Variants in UPP2 observed in about 807,000 individuals in gnomAD.
UPP2 encodes UPase 2.
UPP2 carries 23 observed loss-of-function variants against 26.7 expected under a neutral mutation model. The ratio of observed to expected loss-of-function variants is 0.86; its 90% confidence interval spans 0.62 to 1.22. UPP2 has a LOEUF of 1.22. Among genes scored for constraint, UPP2 ranks in the 50% most tolerant of loss-of-function variants. The pLI is 0.00. For synonymous variants in UPP2, 127 were observed against 141.3 expected (o/e 0.90, Z 0.72); for missense variants, 387 against 396.7 (o/e 0.98, Z 0.21).
At chr2:158,126,537 C>T (rs538608488) in intron 6 of UPP2, 1 of 152,300 alleles carries the variant, frequency 6.6e-6, no homozygotes, top group East Asian at 1.9e-4. Context: ...GATCAGCCAC[C>T]AAGTATAGAG....
At chr2:158,075,314 T>C (rs1408298015) in intron 3 of UPP2, among the ~76,000 whole-genome samples, 1 of 152,038 alleles carries the variant, frequency 6.6e-6, no homozygotes, top group East Asian at 1.9e-4. Flanking sequence ...TAAATGTAAA[T>C]GTTCTAAGAG....
chr2:158,121,767 A>G (rs1320146221), intron 5 of UPP2, 149 bp downstream of exon 5: 1 of 711,060 alleles, frequency 1.4e-6, no homozygotes, highest in Non-Finnish European at 2.3e-6. Flanking sequence ...TTACTTACTA[A>G]AGCATAGAAA....
intron 3 of UPP2, among the ~76,000 whole-genome samples, chr2:158,019,350 T>C (rs191688990): frequency 2.6e-5 from 4 of 152,108 alleles, no homozygotes; most frequent in African/African-American, 9.6e-5. Flanking sequence ...CCTGGAGAGA[T>C]ATACAGATCC....
intron 3 of UPP2, among the ~76,000 whole-genome samples, chr2:158,048,951 G>C (rs980600894): frequency 5.3e-5 from 8 of 152,164 alleles, no homozygotes; most frequent in Non-Finnish European, 7.3e-5. Flanking sequence ...GTGAGTCAAT[G>C]TGTCTTGACC....
In UPP2 at chr2:158,115,191, A is replaced by C; in HGVS notation, c.271A>C (p.Ile91Leu). 1 of 1,613,932 alleles carries C rather than the reference A, an allele frequency of 6.2e-7. No individual in the cohort carries two copies. The highest frequency in any genetic ancestry group is 1.1e-5 in the South Asian group (1 of 91,066). Residue 91 changes from isoleucine (I) to leucine (L), a missense_variant, in exon 3 of 7, where the codon ATA becomes CTA. Ile to Leu is a conservative substitution (Grantham distance 5). Coordinates refer to ENST00000005756, the MANE Select transcript of UPP2 (RefSeq NM_173355.4). ...ELGFEEAEED[I>L]KDICAGTDRY... ...CGGGTTTGAGGAAGCTGAAGAAGACATAAAAGACATCTGTGCTGGGACAGA... is the reference window on the plus strand; with the variant it reads ...CGGGTTTGAGGAAGCTGAAGAAGACCTAAAAGACATCTGTGCTGGGACAGA...
At chr2:158,116,676 A>G (rs1410724381) in intron 3 of UPP2, among the ~76,000 whole-genome samples, 1 of 152,246 alleles carries the variant, frequency 6.6e-6, no homozygotes, top group Non-Finnish European at 1.5e-5. Context: ...TTAACTTACT[A>G]AATGTCTGAA....
At chr2:158,068,250 T>A (rs1343714068) in intron 3 of UPP2, among the ~76,000 whole-genome samples, 2 of 152,218 alleles carry the variant, frequency 1.3e-5, no homozygotes, top group African/African-American at 4.8e-5. Flanking sequence ...CTTATAGTAC[T>A]AATTACAAAT....
intron 2 of UPP2, among the ~76,000 whole-genome samples, chr2:158,109,069 C>T (rs1029867655): frequency 2.0e-5 from 3 of 152,014 alleles, no homozygotes; most frequent in Non-Finnish European, 4.4e-5. Flanking sequence ...TTGCCTTCCT[C>T]CAGCCATGTT....
chr2:158,117,703 A>G, intron 3 of UPP2, 121 bp from the exon 4 acceptor site: 2 of 759,766 alleles, frequency 2.6e-6, no homozygotes, highest in Non-Finnish European at 4.4e-6. Flanking sequence ...CAGCATTGGC[A>G]AAGTCTTAAT....
intron 3 of UPP2, among the ~76,000 whole-genome samples, chr2:158,037,865 T>C (rs1684028313): frequency 6.6e-6 from 1 of 151,978 alleles, no homozygotes; most frequent in South Asian, 2.1e-4. Flanking sequence ...GAGATACAAT[T>C]CAATCCATAA....
chr2:157,999,503 T>C (rs1332751790), intron 2 of UPP2, among the ~76,000 whole-genome samples: 3 of 152,192 alleles, frequency 2.0e-5, no homozygotes, highest in Non-Finnish European at 4.4e-5. Context: ...TATGTCATCA[T>C]CTATGTCTTT....
intron 2 of UPP2, among the ~76,000 whole-genome samples, chr2:158,006,476 C>CAAAA (rs3038697): frequency 7.8e-5 from 6 of 77,392 alleles, no homozygotes; most frequent in African/African-American, 1.1e-4. Flanking sequence ...GACTCCGTCT[C>CAAAA]AAAAAAAAAA....
At chr2:158,107,031 C>A (rs1174344050) in intron 2 of UPP2, among the ~76,000 whole-genome samples, 1 of 152,086 alleles carries the variant, frequency 6.6e-6, no homozygotes, top group Non-Finnish European at 1.5e-5. Context: ...AAGTGGTGTA[C>A]CACACATTAC....
intron 3 of UPP2, among the ~76,000 whole-genome samples, chr2:158,083,692 C>G (rs1284307680): frequency 6.6e-6 from 1 of 151,406 alleles, no homozygotes; most frequent in Non-Finnish European, 1.5e-5. Flanking sequence ...TATCCCAGAA[C>G]TTAAAGTATA....
At chr2:158,000,721 GGGA>G (rs1419326199) in intron 2 of UPP2, among the ~76,000 whole-genome samples, 3 of 152,224 alleles carry the variant, frequency 2.0e-5, no homozygotes. Flanking sequence ...CATTGTGCAT[GGGA>G]GGAGGTGTGT....
chr2:158,052,966 T>C (rs1262313253), intron 3 of UPP2, among the ~76,000 whole-genome samples: 1 of 151,974 alleles, frequency 6.6e-6, no homozygotes, highest in East Asian at 1.9e-4. Context: ...CTGAGGGCTG[T>C]AGTATGCCAA....
At chr2:158,014,400 T>C (rs1187809838) in intron 2 of UPP2, among the ~76,000 whole-genome samples, 4 of 152,192 alleles carry the variant, frequency 2.6e-5, no homozygotes, top group Admixed American at 6.5e-5. Flanking sequence ...CCTGCTGCAG[T>C]ATTAAGCTGG....
intron 3 of UPP2, among the ~76,000 whole-genome samples, chr2:158,047,365 G>A (rs1684171134): frequency 1.3e-5 from 2 of 152,210 alleles, no homozygotes; most frequent in Admixed American, 1.3e-4. Context: ...AGGGGTGTTG[G>A]GAACGAGAGG....
At chr2:158,086,995 T>C (rs1164731658) in intron 3 of UPP2, among the ~76,000 whole-genome samples, 1 of 152,032 alleles carries the variant, frequency 6.6e-6, no homozygotes, top group African/African-American at 2.4e-5. Flanking sequence ...TCTGTAAATA[T>C]CTGTTAAGTC....
Sources: gnomAD v4.1 joint callset for allele counts (sites outside exome capture counted in the v4.1 genomes callset) on GRCh38, gnomAD v4.1.1 for gene constraint, MANE v1.5 for transcripts, NCBI Gene and HGNC (gene_info 2026-07-23, HGNC 2026-07-21) for gene names.